The following RTL6 variants were observed in gnomAD, a reference collection of about 807,000 sequenced individuals.
RTL6 encodes the protein retrotransposon Gag like 6, also known as retrotransposon Gag-like protein 6.
Under a neutral mutation model 12.4 loss-of-function variants are expected in RTL6, and 9 were observed. The ratio of observed to expected loss-of-function variants is 0.73; its 90% CI spans 0.44 to 1.27. The LOEUF is 1.27. Among genes scored for constraint, RTL6 ranks in the 50% most tolerant of loss-of-function variants. The pLI is 0.00. For synonymous variants in RTL6, 160 were observed against 142.8 expected, an observed-to-expected ratio of 1.12 and a Z score of -0.86; for missense variants, 291 against 330.7, an observed-to-expected ratio of 0.88 and a Z score of 0.93.
rs970190341 is a variant in RTL6, at chr22:44,495,667, C to G, written c.*1170G>C. Reference sequence around the variant, plus strand: ...TGGGTTGCCAGAGGCAGACACCCCCCCCGGCCTTAAGTGCTTAAGGATGTT... The same window carrying G: ...TGGGTTGCCAGAGGCAGACACCCCCGCCGGCCTTAAGTGCTTAAGGATGTT... On this transcript the variant is annotated 3_prime_UTR_variant, in exon 2 of 2. Coordinates refer to ENST00000341255, the MANE Select transcript of RTL6 (RefSeq NM_032287.3). The G allele has an allele frequency of 1.3e-5, 2 of 152,236 alleles. No individual in the cohort carries two copies. Among genetic ancestry groups the G allele is most frequent in the Admixed American group, 6.5e-5 (1 of 15,290 alleles). The allele number at this position is 152,236 out of a possible 1,614,324, so 9.4% of individuals were successfully genotyped here.
rs1569000076 is a variant in RTL6 at position 44,496,996 on chromosome 22, G to A, written c.561C>T (p.Ala187=). The A allele has an allele frequency of 1.9e-6, 3 of 1,613,938 alleles. No homozygotes were observed. Among genetic ancestry groups the A allele is most frequent in the Non-Finnish European group, 1.7e-6 (2 of 1,179,926 alleles). The change falls in exon 2 of 2, where the codon GCC becomes GCT. Residue 187 remains alanine (A), a synonymous_variant. Transcript: ENST00000341255. ...TAGAGGCAGAAGTCTTCCTGATTTGGGCGCGCCGCGCATGCCGGAGCGGAG... is the reference window on the plus strand; with the variant it reads ...TAGAGGCAGAAGTCTTCCTGATTTGAGCGCGCCGCGCATGCCGGAGCGGAG... ...YKSPLRHARR[A]QIRKTSASNR...
rs1031541752 is a variant in RTL6, at chr22:44,495,661, A to G, written c.*1176T>C. 4.6e-5 allele frequency: 7 copies of G among 150,682 alleles called. No individual in the cohort carries two copies. The East Asian group carries it at 1.4e-3, about 29-fold the overall frequency. The allele number at this position is 150,682 out of a possible 1,614,324, so 9.3% of individuals were successfully genotyped here. The stretch of plus-strand genomic sequence containing the variant: ...CCTGGCTGGGTTGCCAGAGGCAGAC[A>G]CCCCCCCCGGCCTTAAGTGCTTAAG... On this transcript the variant is annotated 3_prime_UTR_variant, in exon 2 of 2. Coordinates refer to ENST00000341255, the MANE Select transcript of RTL6 (RefSeq NM_032287.3).
chr22:44,497,545 C>T lies in RTL6; in HGVS notation c.12G>A (p.Pro4=). 1.9e-6 allele frequency: 3 copies of T among 1,613,386 alleles called. No individual in the cohort carries two copies. Among genetic ancestry groups the T allele is most frequent in the South Asian group, 1.1e-5 (1 of 91,020 alleles). ...CTGGGCTTTCAGCTTTGGACGTCTG[C>T]GGCTGCACCATGCTGGCCAGAGGTC... The part of the protein sequence containing the change: MVQ[P]QTSKAESPAL... Residue 4 remains proline, a synonymous_variant, in exon 2 of 2, where the codon CCG becomes CCA. Coordinates refer to ENST00000341255, the MANE Select transcript of RTL6 (RefSeq NM_032287.3).
rs1924415283 is a variant in RTL6, at chr22:44,495,372, C to G, written c.*1465G>C. 1 of 152,752 alleles carries G rather than the reference C, an allele frequency of 6.5e-6. No individual in the cohort carries two copies. The highest frequency in any genetic ancestry group is 2.4e-5 in the African/African-American group (1 of 41,454). 9.5% of individuals were successfully genotyped at this position (152,752 alleles called of 1,614,324 possible). On this transcript the variant is annotated 3_prime_UTR_variant, in exon 2 of 2. Coordinates refer to ENST00000341255, the MANE Select transcript of RTL6 (RefSeq NM_032287.3). Reference sequence around the variant, plus strand: ...GTCCTTCTGCAATCAAGCCAAGACCCTTCAGACAGGGGCAGCTGAGCCCAG... The same window carrying G: ...GTCCTTCTGCAATCAAGCCAAGACCGTTCAGACAGGGGCAGCTGAGCCCAG...
Position 44,494,860 on chromosome 22 carries a change from G to T in RTL6, c.*1977C>A, listed in dbSNP as rs1924402142. Reference sequence around the variant, plus strand: ...CTTCCATGCTGGGCTGGGCCACATGGAAACCTTCCAGGTGCCTTTTCCCAG... The same window carrying T: ...CTTCCATGCTGGGCTGGGCCACATGTAAACCTTCCAGGTGCCTTTTCCCAG... On this transcript the variant is annotated 3_prime_UTR_variant, in exon 2 of 2. Coordinates refer to ENST00000341255, the MANE Select transcript of RTL6 (RefSeq NM_032287.3). 1 of 152,526 alleles carries T rather than the reference G, an allele frequency of 6.6e-6. No individual in the cohort carries two copies. The highest frequency in any genetic ancestry group is 6.5e-5 in the Admixed American group (1 of 15,288). 9.4% of individuals were successfully genotyped at this position (152,526 alleles called of 1,614,324 possible).
At position 44,496,915 on chromosome 22, in the gene RTL6, C is replaced by G. The variant is rs1421666751; in HGVS notation, c.642G>C (p.Thr214=). 1.9e-6 allele frequency: 3 copies of G among 1,612,254 alleles called. No individual in the cohort carries two copies. Among genetic ancestry groups the G allele is most frequent in the South Asian group, 1.1e-5 (1 of 90,898 alleles). The change falls in exon 2 of 2, where the codon ACG becomes ACC. Residue 214 remains threonine, a synonymous_variant. Coordinates refer to ENST00000341255, the MANE Select transcript of RTL6 (RefSeq NM_032287.3). ...MLCRQLASAG[T]GPCPVHPASN... ...AAGCTGGATGCACTGGGCAAGGCCC[C>G]GTGCCCGCAGAGGCCAGCTGGCGGC...
intron 1 of RTL6, 74 bp from the exon 2 acceptor site, chr22:44,497,885 A>G: frequency 4.1e-6 from 1 of 242,816 alleles, no homozygotes; most frequent in Admixed American, 5.1e-5. Context: ...GGCGGCGTGG[A>G]GGGCCCGCGC....
chr22:44,497,431 C>T lies in RTL6; in HGVS notation c.126G>A (p.Glu42=). Residue 42 remains glutamate (E), a synonymous_variant, in exon 2 of 2, where the codon GAG becomes GAA. Transcript: ENST00000341255. ...CCTTCTCCGCCCGCAGGGTGGAAGCCTCCCGCCTCAGCGCCGAGTTGGTGA... is the reference window on the plus strand; with the variant it reads ...CCTTCTCCGCCCGCAGGGTGGAAGCTTCCCGCCTCAGCGCCGAGTTGGTGA... ...LRLTNSALRR[E]ASTLRAEKAN... 6.2e-7 allele frequency: 1 copy of T among 1,614,154 alleles called. No homozygotes were observed. Among genetic ancestry groups the T allele is most frequent in the African/African-American group, 1.3e-5 (1 of 75,068 alleles).
At position 44,496,973 on chromosome 22, in the gene RTL6, G is replaced by A. The variant is rs1242244663; in HGVS notation, c.584C>T (p.Ser195Phe). 1.2e-6 allele frequency: 2 copies of A among 1,613,862 alleles called. No individual in the cohort carries two copies. Among genetic ancestry groups the A allele is most frequent in the Non-Finnish European group, 1.7e-6 (2 of 1,179,988 alleles). The change falls in exon 2 of 2, where the codon TCT (serine) becomes TTT (phenylalanine). Residue 195 changes from serine to phenylalanine, a missense_variant. Around this residue, in one of 3 missense-constraint regions of RTL6, gnomAD observed 132 missense variants for 163.9 expected, o/e 0.81. Transcript: ENST00000341255. ...RRAQIRKTSA[S>F]NRAVRERQML... is the part of the protein sequence containing the mutation. ...CTGCCTCTCTCGCACAGCCCTATTA[G>A]AGGCAGAAGTCTTCCTGATTTGGGC...
In RTL6 at chr22:44,495,519, C is replaced by G. The variant is rs105248; in HGVS notation, c.*1318G>C. 0.51 allele frequency: 77,583 copies of G among 152,514 alleles called. 19,916 individuals carry two copies. The highest frequency in any genetic ancestry group is 0.55 in the African/African-American group (22,841 of 41,440). 9.4% of individuals were successfully genotyped at this position (152,514 alleles called of 1,614,324 possible). ...CCACAAAATGATTTCTTGGTCATCC[C>G]CCTGTGAGGAAGGATGAGGTCCTTC... On this transcript the variant is annotated 3_prime_UTR_variant, in exon 2 of 2. Transcript: ENST00000341255.
chr22:44,497,446 C>T lies in RTL6; in HGVS notation c.111G>A (p.Ser37=). Residue 37 remains serine, a synonymous_variant, in exon 2 of 2, where the codon TCG becomes TCA. Transcript: ENST00000341255. ...GGGTGGAAGCCTCCCGCCTCAGCGCCGAGTTGGTGAGGCGCAGGGAGGTCA... is the reference window on the plus strand; with the variant it reads ...GGGTGGAAGCCTCCCGCCTCAGCGCTGAGTTGGTGAGGCGCAGGGAGGTCA... ...DTLTSLRLTN[S]ALRREASTLR... 3 of 1,614,184 alleles carry T rather than the reference C, an allele frequency of 1.9e-6. No homozygotes were observed. Among genetic ancestry groups the T allele is most frequent in the East Asian group, 2.2e-5 (1 of 44,882 alleles).
chr22:44,492,595 G>A lies in RTL6; in HGVS notation c.*4242C>T, dbSNP rs1287365167. The A allele has an allele frequency of 1.3e-5, 2 of 152,126 alleles. No individual in the cohort carries two copies. Among genetic ancestry groups the A allele is most frequent in the African/African-American group, 2.4e-5 (1 of 41,420 alleles). 9.4% of individuals were successfully genotyped at this position (152,126 alleles called of 1,614,324 possible). A position where few individuals can be genotyped will look rare whatever the true frequency, so the allele number is the denominator to read the frequency against. ...GCTGTAGCAAATATGACACACACCA[G>A]GTTAATATCTTTAATATATACCGAG... On this transcript the variant is annotated 3_prime_UTR_variant, in exon 2 of 2. Transcript: ENST00000341255.
Position 44,493,361 on chromosome 22 carries a change from T to G in RTL6, c.*3476A>C, listed in dbSNP as rs1924355661. 1 of 152,192 alleles carries G rather than the reference T, an allele frequency of 6.6e-6. No homozygotes were observed. The highest frequency in any genetic ancestry group is 6.5e-5 in the Admixed American group (1 of 15,282). 9.4% of individuals were successfully genotyped at this position (152,192 alleles called of 1,614,324 possible). ...TTTGGTGCTTGTGTATGCAAAGGCA[T>G]GAGGCACACGGAAGTGAGGAGCTGG... On this transcript the variant is annotated 3_prime_UTR_variant, in exon 2 of 2. Coordinates refer to ENST00000341255, the MANE Select transcript of RTL6 (RefSeq NM_032287.3).
rs1360392237 is a variant in RTL6, at chr22:44,494,845, G to A, written c.*1992C>T. On this transcript the variant is annotated 3_prime_UTR_variant, in exon 2 of 2. Transcript: ENST00000341255. ...AGAGTTCCCACCCTGCTTCCATGCT[G>A]GGCTGGGCCACATGGAAACCTTCCA... The A allele has an allele frequency of 6.6e-6, 1 of 152,484 alleles. No homozygotes were observed. The highest frequency in any genetic ancestry group is 1.5e-5 in the Non-Finnish European group (1 of 68,092). The allele number at this position is 152,484 out of a possible 1,614,324, so 9.4% of individuals were successfully genotyped here. A position where few individuals can be genotyped will look rare whatever the true frequency, so the allele number is the denominator to read the frequency against.
rs1380979169 is a variant in RTL6 at position 44,498,223 on chromosome 22, G to C, written c.-435C>G. On this transcript the variant is annotated 5_prime_UTR_variant, in exon 1 of 2. Coordinates refer to ENST00000341255, the MANE Select transcript of RTL6 (RefSeq NM_032287.3). Reference sequence around the variant, plus strand: ...GCGGGCGGCCTCCGGCAGGTGCAGGGACCGGGCCAGGCCGGGGCCGGGGCA... The same window carrying C: ...GCGGGCGGCCTCCGGCAGGTGCAGGCACCGGGCCAGGCCGGGGCCGGGGCA... The C allele has an allele frequency of 6.6e-6, 1 of 151,654 alleles. No individual in the cohort carries two copies. Among genetic ancestry groups the C allele is most frequent in the African/African-American group, 2.4e-5 (1 of 41,220 alleles). 9.4% of individuals were successfully genotyped at this position (151,654 alleles called of 1,614,324 possible).
chr22:44,496,652 C>A lies in RTL6; in HGVS notation c.*185G>T. 4 of 729,654 alleles carry A rather than the reference C, an allele frequency of 5.5e-6. No individual in the cohort carries two copies. The highest frequency in any genetic ancestry group is 9.1e-6 in the Non-Finnish European group (4 of 437,832). 45.2% of individuals were successfully genotyped at this position (729,654 alleles called of 1,614,324 possible). A position where few individuals can be genotyped will look rare whatever the true frequency, so the allele number is the denominator to read the frequency against. ...CAAAGCTAGCACGTAAGAGGAAGCACGGCAAGGTGGGCAACCAGGGCGCCA... is the reference window on the plus strand; with the variant it reads ...CAAAGCTAGCACGTAAGAGGAAGCAAGGCAAGGTGGGCAACCAGGGCGCCA... On this transcript the variant is annotated 3_prime_UTR_variant, in exon 2 of 2. Transcript: ENST00000341255.
At position 44,497,333 on chromosome 22, in the gene RTL6, C is replaced by CCCGGGAT; in HGVS notation, c.217_223dup (p.Gly75AspfsTer61). On this transcript the variant is annotated frameshift_variant, in exon 2 of 2. Transcript: ENST00000341255. LOFTEE classifies it high-confidence loss of function. ...GATGGGCGGGGTGATCTGCAGAGCC[C>CCCGGGAT]CCGGGATCCGCGCCCTGGTGCGTAA... is the stretch of plus-strand genomic sequence containing the variant. 6.2e-7 allele frequency: 1 copy of CCCGGGAT among 1,613,358 alleles called. No homozygotes were observed. Among genetic ancestry groups the CCCGGGAT allele is most frequent in the Non-Finnish European group, 8.5e-7 (1 of 1,179,386 alleles).
rs938204962 is a variant in RTL6, at chr22:44,497,620, T to A, written c.-64A>T. 6.4e-6 allele frequency: 10 copies of A among 1,560,800 alleles called. No individual in the cohort carries two copies. Among genetic ancestry groups the A allele is most frequent in the Non-Finnish European group, 7.8e-6 (9 of 1,153,884 alleles). ...GGACCAAGAGGGTGTGGTGACCAGG[T>A]GGGCCCCTGTAGAAATGGGGGCAGT... is the stretch of plus-strand genomic sequence containing the variant. On this transcript the variant is annotated 5_prime_UTR_variant, in exon 2 of 2. Coordinates refer to ENST00000341255, the MANE Select transcript of RTL6 (RefSeq NM_032287.3).
In RTL6 at chr22:44,496,532, G is replaced by T; in HGVS notation, c.*305C>A. 2.7e-6 allele frequency: 1 copy of T among 369,176 alleles called. No individual in the cohort carries two copies. The highest frequency in any genetic ancestry group is 4.9e-6 in the Non-Finnish European group (1 of 204,580). The allele number at this position is 369,176 out of a possible 1,614,324, so 22.9% of individuals were successfully genotyped here. A position where few individuals can be genotyped will look rare whatever the true frequency, so the allele number is the denominator to read the frequency against. Reference sequence around the variant, plus strand: ...CAGCCCTCGTGGTCCGTCAGCGTGCGGCGGAGTCCCTGTGCCTAAGTAGCA... The same window carrying T: ...CAGCCCTCGTGGTCCGTCAGCGTGCTGCGGAGTCCCTGTGCCTAAGTAGCA... On this transcript the variant is annotated 3_prime_UTR_variant, in exon 2 of 2. Coordinates refer to ENST00000341255, the MANE Select transcript of RTL6 (RefSeq NM_032287.3).
Sources: allele counts gnomAD v4.1 joint callset, GRCh38; gene constraint gnomAD v4.1.1; regional missense constraint gnomAD v4.1.1; transcripts MANE v1.5; gene names NCBI Gene and HGNC (gene_info 2026-07-23, HGNC 2026-07-21).